The following PLXDC1 variants were observed in gnomAD, a reference collection of about 807,000 sequenced individuals.
The protein encoded by PLXDC1 is plexin domain-containing protein 1.
In PLXDC1, 39 loss-of-function variants were observed where a neutral mutation model predicts 61.3. The ratio of observed to expected loss-of-function variants is 0.64; its 90% CI spans 0.49 to 0.83. The LOEUF is 0.83. Ranked by LOEUF, PLXDC1 falls within the 40% of genes least tolerant of loss-of-function variation. The probability of loss-of-function intolerance (pLI) is 0.00; values close to 1 mark genes in which losing one functional copy is unlikely to be tolerated. For missense variants in PLXDC1, 596 were observed against 666.5 expected, an observed-to-expected ratio of 0.89 and a Z score of 1.17; for synonymous variants, 212 against 254.5, an observed-to-expected ratio of 0.83 and a Z score of 1.59.
chr17:39,152,826 A>G (rs981120088), upstream of PLXDC1: 2 of 582,606 alleles, frequency 3.4e-6, no homozygotes. Context: ...GGAAACAACT[A>G]AAGGCTCTCT....
At chr17:39,101,851 C>G (rs922013082) in intron 7 of PLXDC1, among the ~76,000 whole-genome samples, 35 of 152,188 alleles carry the variant, frequency 2.3e-4, no homozygotes, top group Middle Eastern at 3.4e-3. Flanking sequence ...TGCAGTGTTG[C>G]GTGGGAAGGG....
At chr17:39,113,587 T>G (rs1910878791) in intron 2 of PLXDC1, among the ~76,000 whole-genome samples, 1 of 152,180 alleles carries the variant, frequency 6.6e-6, no homozygotes, top group Admixed American at 6.5e-5. Flanking sequence ...ATGCCTGTAA[T>G]CCTAGCACTT....
rs1293858667 is a variant in PLXDC1 at position 39,066,603 on chromosome 17, T to G, written c.*1237A>C. Reference sequence around the variant, plus strand: ...AGGATCTGCTTTCTTTTTTTTTTTTTGAGACGGAGTCTCGCTCTGTCACCC... The same window carrying G: ...AGGATCTGCTTTCTTTTTTTTTTTTGGAGACGGAGTCTCGCTCTGTCACCC... On this transcript the variant is annotated 3_prime_UTR_variant, in exon 14 of 14. Transcript: ENST00000315392. 2 of 152,194 alleles carry G rather than the reference T, an allele frequency of 1.3e-5. No homozygotes were observed. Among genetic ancestry groups the G allele is most frequent in the Admixed American group, 1.3e-4 (2 of 15,280 alleles). 9.4% of individuals were successfully genotyped at this position (152,194 alleles called of 1,614,324 possible).
chr17:39,148,567 A>G (rs888109281), intron 1 of PLXDC1, among the ~76,000 whole-genome samples: 4 of 150,976 alleles, frequency 2.6e-5, no homozygotes, highest in Non-Finnish European at 4.4e-5. Flanking sequence ...ATATACTAAT[A>G]TTAATAATAT....
In PLXDC1 at chr17:39,077,976, G is replaced by A. The variant is rs760227900; in HGVS notation, c.1123C>T (p.Pro375Ser). The part of the protein sequence containing the change: ...DSASPDTSFS[P>S]YDGDLTTTSS... ...GTAGTGGTGAGGTCTCCATCATAGG[G>A]GCTGAAGGAAGTGTCAGGGGAGGCT... The change falls in exon 11 of 14, where the codon CCC becomes TCC. Residue 375 changes from proline to serine, a missense_variant. Coordinates refer to ENST00000315392, the MANE Select transcript of PLXDC1 (RefSeq NM_020405.5). 1.2e-6 allele frequency: 2 copies of A among 1,613,752 alleles called. No homozygotes were observed. The highest frequency in any genetic ancestry group is 1.1e-5 in the South Asian group (1 of 91,066).
chr17:39,078,289 T>C (rs1388687995), intron 10 of PLXDC1, among the ~76,000 whole-genome samples: 1 of 152,128 alleles, frequency 6.6e-6, no homozygotes, highest in African/African-American at 2.4e-5. Context: ...ATAAATAGAC[T>C]GTGGTAAGTG....
chr17:39,091,612 A>G (rs1233425896), intron 7 of PLXDC1, among the ~76,000 whole-genome samples: 1 of 152,050 alleles, frequency 6.6e-6, no homozygotes, highest in Non-Finnish European at 1.5e-5. Flanking sequence ...GGGCTTTATG[A>G]GAGAGGAGAT....
intron 1 of PLXDC1, among the ~76,000 whole-genome samples, chr17:39,140,969 T>C (rs1285039948): frequency 6.6e-6 from 1 of 152,214 alleles, no homozygotes; most frequent in East Asian, 1.9e-4. Flanking sequence ...TGCATAACTC[T>C]TTTCACCTTG....
At position 39,108,566 on chromosome 17, in the gene PLXDC1, C is replaced by T. The variant is rs553675253; in HGVS notation, c.470-321G>A. ...GAAGTGCAGGGATTAAAGACAGGTG[C>T]CTCCTATCAACAGGGAGCCTGGCCC... On this transcript the variant is annotated intron_variant, in intron 4 of 13. Transcript: ENST00000315392. 5 of 505,402 alleles carry T rather than the reference C, an allele frequency of 9.9e-6. No homozygotes were observed. The South Asian group carries it at 1.2e-4, about 12-fold the overall frequency. 31.3% of individuals were successfully genotyped at this position (505,402 alleles called of 1,614,324 possible).
At chr17:39,130,510 C>A (rs1235958024) in intron 2 of PLXDC1, among the ~76,000 whole-genome samples, 2 of 152,140 alleles carry the variant, frequency 1.3e-5, no homozygotes, top group South Asian at 4.1e-4. Flanking sequence ...GGTTGCACAA[C>A]ATTGTGAATT....
chr17:39,120,850 C>T (rs560038536), intron 2 of PLXDC1, among the ~76,000 whole-genome samples: 2 of 151,420 alleles, frequency 1.3e-5, no homozygotes, highest in Admixed American at 6.6e-5. Flanking sequence ...TGCAACCTCC[C>T]GGGTTCAAGT....
intron 7 of PLXDC1, among the ~76,000 whole-genome samples, chr17:39,093,175 C>A (rs1269980522): frequency 2.0e-5 from 3 of 152,164 alleles, no homozygotes; most frequent in Non-Finnish European, 4.4e-5. Flanking sequence ...TCAAGTGATT[C>A]TCCCACTTCA....
chr17:39,122,734 G>A (rs1289969211), intron 2 of PLXDC1, among the ~76,000 whole-genome samples: 4 of 152,224 alleles, frequency 2.6e-5, no homozygotes, highest in South Asian at 2.1e-4. Context: ...GAGCCACGCC[G>A]CTTGGCAAGT....
rs35450036 is a variant in PLXDC1 at position 39,139,784 on chromosome 17, C to G, written c.125G>C (p.Arg42Pro). The G allele has an allele frequency of 2.2e-5, 35 of 1,613,636 alleles. No homozygotes were observed. The highest frequency in any genetic ancestry group is 3.3e-5 in the Admixed American group (2 of 60,002). Residue 42 changes from arginine (R) to proline (P), a missense_variant, in exon 2 of 14, where the codon CGG (arginine) becomes CCG (proline). Arg to Pro is a moderately radical substitution (Grantham distance 103). Transcript: ENST00000315392. ...GSGWAAKGTV[R>P]GWNRRARESP... ...CTCTCGGGCTCTCCGGTTCCAGCCCCGCACGGTCCCTTTGGCAGCCCATCC... is the reference window on the plus strand; with the variant it reads ...CTCTCGGGCTCTCCGGTTCCAGCCCGGCACGGTCCCTTTGGCAGCCCATCC...
Position 39,105,970 on chromosome 17 carries a change from A to T in PLXDC1, c.712-17T>A. On this transcript the variant is annotated splice_polypyrimidine_tract_variant and intron_variant, in intron 6 of 13. Transcript: ENST00000315392. ...CATAGGGATCTGCGGCAGGGAGAAG[A>T]GACTCCGTCCACCTCCCAAACGCTC... The T allele has an allele frequency of 6.3e-7, 1 of 1,580,582 alleles. No individual in the cohort carries two copies. Among genetic ancestry groups the T allele is most frequent in the South Asian group, 1.1e-5 (1 of 89,772 alleles).
chr17:39,079,981 C>T (rs1336685153), intron 9 of PLXDC1: 3 of 191,794 alleles, frequency 1.6e-5, no homozygotes, highest in East Asian at 1.4e-4. Context: ...TCTGCAGATG[C>T]CTCTGGGCTC....
intron 11 of PLXDC1, among the ~76,000 whole-genome samples, chr17:39,076,033 G>A (rs1909314728): frequency 7.1e-6 from 1 of 141,562 alleles, no homozygotes; most frequent in African/African-American, 2.6e-5. Context: ...AGCTGGGATT[G>A]TACCACTGCA....
chr17:39,089,815 T>C (rs1598191216), intron 7 of PLXDC1, among the ~76,000 whole-genome samples: 1 of 152,250 alleles, frequency 6.6e-6, no homozygotes, highest in East Asian at 1.9e-4. Flanking sequence ...ATTTACTTAT[T>C]GAGACTGAGT....
chr17:39,109,086 A>T (rs563880166), intron 3 of PLXDC1, 113 bp from the exon 4 acceptor site: 1 of 1,237,948 alleles, frequency 8.1e-7, no homozygotes, highest in East Asian at 2.4e-5. Flanking sequence ...GCCCAGGGCC[A>T]CTGCTGGGCA....
Sources: gnomAD v4.1 joint callset for allele counts (sites outside exome capture counted in the v4.1 genomes callset) on GRCh38, gnomAD v4.1.1 for gene constraint, MANE v1.5 for transcripts, NCBI Gene and HGNC (gene_info 2026-07-23, HGNC 2026-07-21) for gene names.